Variants in GK observed in about 807,000 individuals in gnomAD.
GK encodes ATP:glycerol 3-phosphotransferase.
GK carries 9 observed loss-of-function variants against 56.4 expected under a neutral mutation model. That is an observed-to-expected ratio of 0.16 (90% CI 0.10 to 0.28). GK has a LOEUF of 0.28. GK is among the 10% of genes least tolerant of loss of function. The pLI is 1.00. For missense variants in GK, 161 were observed against 431.4 expected, an observed-to-expected ratio of 0.37 and a Z score of 5.55; for synonymous variants, 104 against 144.1, an observed-to-expected ratio of 0.72 and a Z score of 1.99.
At chrX:30,721,923 T>G (rs1936928217) in intron 18 of GK, 1 of 112,576 alleles carries the variant, frequency 8.9e-6, no homozygotes, top group South Asian at 3.6e-4. Context: ...AGAATTGGTT[T>G]TATAACTTTT....
At chrX:30,657,537 A>G (rs1206979731) in intron 1 of GK, among the ~76,000 whole-genome samples, 1 of 112,812 alleles carries the variant, frequency 8.9e-6, no homozygotes, top group African/African-American at 3.2e-5. Flanking sequence ...ATGATTTTTT[A>G]AAAGACTTGT....
intron 15 of GK, 40 bp downstream of exon 15, chrX:30,719,555 T>A (rs748339547): frequency 1.3e-6 from 1 of 764,705 alleles, no homozygotes; most frequent in Non-Finnish European, 2.0e-6. Context: ...GGGATCTTGA[T>A]TTATTTACCA....
At chrX:30,670,954 G>T (rs1418861374) in intron 3 of GK, among the ~76,000 whole-genome samples, 1 of 109,093 alleles carries the variant, frequency 9.2e-6, no homozygotes, top group Non-Finnish European at 1.9e-5. Context: ...CTGTACTCCA[G>T]CCTGGGCAAC....
rs1052732152 is a variant in GK, at chrX:30,691,369, T to C, written c.414+170T>C. Among the ~76,000 whole-genome samples the C allele has an allele frequency of 6.3e-5, 7 of 111,177 alleles. No individual in the cohort carries two copies. In the South Asian group the frequency reaches 1.9e-3, roughly 30 times the overall value. ...TCAAGTCTTTACCTTCCCGTCTTTCTTGCTCTGTGGTGGATTGGAACAATA... is the reference window on the plus strand; with the variant it reads ...TCAAGTCTTTACCTTCCCGTCTTTCCTGCTCTGTGGTGGATTGGAACAATA... On this transcript the variant is annotated intron_variant, in intron 5 of 20. Transcript: ENST00000427190.
In GK at chrX:30,718,602, C is replaced by T. The variant is rs866534997; in HGVS notation, c.1040C>T (p.Thr347Ile). Reference sequence around the variant, plus strand: ...AGAGACAATCTTGGAATTATAAAGACCTCAGAAGAAATTGGTGAGTGTGTT... The same window carrying T: ...AGAGACAATCTTGGAATTATAAAGATCTCAGAAGAAATTGGTGAGTGTGTT... ...WLRDNLGIIK[T>I]SEEIEKLAKE... The change falls in exon 14 of 21, where the codon ACC (threonine) becomes ATC (isoleucine). Residue 347 changes from threonine to isoleucine, a missense_variant. By Grantham distance (89) the Thr-to-Ile change is moderately conservative (BLOSUM62 -1). Coordinates refer to ENST00000427190, the MANE Select transcript of GK (RefSeq NM_001205019.2). The T allele has an allele frequency of 2.6e-6, 3 of 1,158,049 alleles. No homozygotes were observed. The highest frequency in any genetic ancestry group is 3.5e-6 in the Non-Finnish European group (3 of 846,762).
chrX:30,690,654 C>T (rs375215176), intron 4 of GK, among the ~76,000 whole-genome samples: 2 of 111,586 alleles, frequency 1.8e-5, no homozygotes, highest in East Asian at 5.6e-4. Context: ...TCCTGAATAA[C>T]AGAATCAAGT....
chrX:30,702,707 T>C (rs193174817), intron 11 of GK, among the ~76,000 whole-genome samples: 191 of 112,761 alleles, frequency 1.7e-3, no homozygotes, highest in African/African-American at 6.0e-3. Context: ...TCCATATAAC[T>C]GGCAAGAGGC....
At chrX:30,675,681 A>AT (rs1205350738) in intron 3 of GK, among the ~76,000 whole-genome samples, 1 of 105,804 alleles carries the variant, frequency 9.5e-6, no homozygotes, top group South Asian at 4.1e-4. Context: ...AATTTTTAAA[A>AT]TTTTTTTTTA....
intron 5 of GK, 45 bp downstream of exon 5, chrX:30,691,244 T>TA (rs780245923): frequency 1.5e-5 from 11 of 756,207 alleles, no homozygotes; most frequent in South Asian, 1.3e-4. Context: ...TTTCTTTTTT[T>TA]AAAAAAAGTT....
intron 4 of GK, among the ~76,000 whole-genome samples, chrX:30,686,940 A>G (rs1304475611): frequency 1.8e-5 from 2 of 110,304 alleles, no homozygotes; most frequent in African/African-American, 6.6e-5. Flanking sequence ...TTTTCCTTCT[A>G]TTTTTTTCCT....
At chrX:30,703,743 T>G (rs1011823852) in intron 11 of GK, among the ~76,000 whole-genome samples, 6 of 110,874 alleles carry the variant, frequency 5.4e-5, no homozygotes, top group Non-Finnish European at 1.1e-4. Context: ...GGTGGATCAC[T>G]TGAAGTCAGG....
intron 11 of GK, among the ~76,000 whole-genome samples, chrX:30,705,901 A>T (rs1384413732): frequency 3.6e-5 from 4 of 112,225 alleles, no homozygotes; most frequent in African/African-American, 1.3e-4. Flanking sequence ...TTTTGCACTA[A>T]GACGCGTACG....
chrX:30,722,788 G>T (rs932662852), intron 18 of GK, among the ~76,000 whole-genome samples: 1 of 110,785 alleles, frequency 9.0e-6, no homozygotes, highest in Non-Finnish European at 1.9e-5. Context: ...TGAAGAGAGA[G>T]GGGGGGATAG....
Position 30,706,332 on chromosome X carries a change from T to C in GK, c.852-1224T>C, listed in dbSNP as rs1026527768. The stretch of plus-strand genomic sequence containing the variant: ...CAATCAAAATGCAGCTGATGGGATC[T>C]GTTGAGTTAGTGCTGACTGGTGGTA... On this transcript the variant is annotated intron_variant, in intron 11 of 20. Transcript: ENST00000427190. 4.4e-5 allele frequency among the ~76,000 whole-genome samples: 5 copies of C among 112,363 alleles called. No homozygotes were observed. The Admixed American group carries it at 4.7e-4, about 11-fold the overall frequency.
intron 9 of GK, among the ~76,000 whole-genome samples, chrX:30,699,291 A>T (rs1354630624): frequency 2.0e-4 from 20 of 97,990 alleles, no homozygotes; most frequent in Non-Finnish European, 4.1e-5. Context: ...ACAACATGTT[A>T]TACATAACAT....
At chrX:30,682,200 A>G (rs1934316695) in intron 4 of GK, among the ~76,000 whole-genome samples, 1 of 111,773 alleles carries the variant, frequency 8.9e-6, no homozygotes, top group Non-Finnish European at 1.9e-5. Context: ...ATAGAAGCTA[A>G]TTCTGGGCAA....
chrX:30,706,789 C>T (rs1398087534), intron 11 of GK, among the ~76,000 whole-genome samples: 2 of 111,671 alleles, frequency 1.8e-5, no homozygotes, highest in Non-Finnish European at 3.8e-5. Flanking sequence ...AGCTTTCCAA[C>T]TACACCCTCC....
At chrX:30,676,046 C>T (rs1264510012) in intron 3 of GK, among the ~76,000 whole-genome samples, 1 of 112,189 alleles carries the variant, frequency 8.9e-6, no homozygotes, top group Non-Finnish European at 1.9e-5. Context: ...CTGCCTCGGC[C>T]TCCCGGAGTG....
intron 2 of GK, among the ~76,000 whole-genome samples, chrX:30,666,028 T>C (rs1933055180): frequency 8.9e-6 from 1 of 112,054 alleles, no homozygotes; most frequent in Non-Finnish European, 1.9e-5. Flanking sequence ...TGATTAAATA[T>C]GATGTTAAGT....
Sources: allele counts gnomAD v4.1 joint callset (sites outside exome capture counted in the v4.1 genomes callset), GRCh38; gene constraint gnomAD v4.1.1; transcripts MANE v1.5; gene names NCBI Gene and HGNC (gene_info 2026-07-23, HGNC 2026-07-21).